The following RARB variants were observed in gnomAD, a reference collection of about 807,000 sequenced individuals.
RARB encodes retinoic acid receptor beta.
A neutral mutation model predicts 51.9 loss-of-function variants in RARB; 17 were observed. The ratio of observed to expected loss-of-function variants is 0.33; its 90% confidence interval spans 0.22 to 0.49. RARB has a LOEUF of 0.49. Ranked by LOEUF, RARB falls within the 20% of genes least tolerant of loss-of-function variation. RARB has a pLI of 0.99. For synonymous variants in RARB, 215 were observed against 195.4 expected (o/e 1.10, Z -0.84); for missense variants, 369 against 550.8 (o/e 0.67, Z 3.30).
At chr3:24,966,835 T>A (rs74811489) in intron 2 of RARB, among the ~76,000 whole-genome samples, 2 of 152,182 alleles carry the variant, frequency 1.3e-5, no homozygotes, top group African/African-American at 4.8e-5. Flanking sequence ...ATGTTAAAAA[T>A]CATTCAGGTG....
Position 25,212,002 on chromosome 3 carries a change from T to C in RARB, c.178+37427T>C, listed in dbSNP as rs537028633. Among the ~76,000 whole-genome samples, 5 of 152,284 alleles carry C rather than the reference T, an allele frequency of 3.3e-5. No homozygotes were observed. In the East Asian group the frequency reaches 9.6e-4, roughly 29 times the overall value. Reference sequence around the variant, plus strand: ...GTCTATCTGAAGGAAAAGAGATATATTTTACTACCTAAATTTCACTTTGTT... The same window carrying C: ...GTCTATCTGAAGGAAAAGAGATATACTTTACTACCTAAATTTCACTTTGTT... On this transcript the variant is annotated intron_variant, in intron 5 of 11. Transcript: ENST00000383772.
chr3:24,927,045 C>T (rs959328858), intron 2 of RARB, among the ~76,000 whole-genome samples: 1 of 152,082 alleles, frequency 6.6e-6, no homozygotes, highest in African/African-American at 2.4e-5. Flanking sequence ...TCATCTATCC[C>T]TAGTTAGTAA....
chr3:25,131,961 G>C (rs1362524069), intron 3 of RARB, among the ~76,000 whole-genome samples: 3 of 151,956 alleles, frequency 2.0e-5, no homozygotes, highest in Non-Finnish European at 4.4e-5. Flanking sequence ...AGGTGAGATT[G>C]GTGAACAGGG....
At position 25,501,081 on chromosome 3, in the gene RARB, T is replaced by C. The variant is rs1697287790; in HGVS notation, c.307-101T>C. 9 of 1,367,234 alleles carry C rather than the reference T, an allele frequency of 6.6e-6. No individual in the cohort carries two copies. In the African/African-American group the frequency reaches 1.0e-4, roughly 16 times the overall value. The allele number at this position is 1,367,234 out of a possible 1,614,324, so 84.7% of individuals were successfully genotyped here. On this transcript the variant is annotated intron_variant, in intron 2 of 7. Transcript: ENST00000330688. The stretch of plus-strand genomic sequence containing the variant: ...TAACTTTTCTGCTGCCATCACTTCG[T>C]TACTCAAAAAGAGCAATTAATGCAT...
At chr3:25,346,547 G>A (rs1705400874) in intron 5 of RARB, among the ~76,000 whole-genome samples, 1 of 152,092 alleles carries the variant, frequency 6.6e-6, no homozygotes, top group Admixed American at 6.6e-5. Flanking sequence ...ACCAGTCCCT[G>A]GCAATTTTGC....
At position 25,130,774 on chromosome 3, in the gene RARB, C is replaced by A. The variant is rs535111412; in HGVS notation, c.-327-1387C>A. 7.3e-5 allele frequency among the ~76,000 whole-genome samples: 11 copies of A among 151,214 alleles called. No homozygotes were observed. In the South Asian group the frequency reaches 2.3e-3, roughly 32 times the overall value. ...TCACTCATCTTGCTATCTCCTGCAG[C>A]CTCATCCTTGCATACAGAAACTGCT... On this transcript the variant is annotated intron_variant, in intron 3 of 11. Transcript: ENST00000383772.
intron 5 of RARB, among the ~76,000 whole-genome samples, chr3:25,584,949 ACCCTCC>A (rs1701325830): frequency 3.5e-5 from 5 of 141,368 alleles, no homozygotes; most frequent in East Asian, 2.0e-4. Context: ...TCCTCCCCTC[ACCCTCC>A]GCCCCCACCC....
At chr3:24,879,440 A>AT (rs1703113118) in intron 2 of RARB, among the ~76,000 whole-genome samples, 1 of 151,370 alleles carries the variant, frequency 6.6e-6, no homozygotes, top group African/African-American at 2.4e-5. Flanking sequence ...AAATTAAAAA[A>AT]AAATAAAAAA....
At position 25,237,270 on chromosome 3, in the gene RARB, A is replaced by G. The variant is rs935396613; in HGVS notation, c.178+62695A>G. On this transcript the variant is annotated intron_variant, in intron 5 of 11. Coordinates refer to the RARB transcript ENST00000383772. Reference sequence around the variant, plus strand: ...ATCTCATTAAAAGTTGGTGGCATTTATTAGACAACCCCAAAGGGTGGCTTC... The same window carrying G: ...ATCTCATTAAAAGTTGGTGGCATTTGTTAGACAACCCCAAAGGGTGGCTTC... Among the ~76,000 whole-genome samples, 10 of 152,166 alleles carry G rather than the reference A, an allele frequency of 6.6e-5. 1 individual carries two copies. The highest frequency in any genetic ancestry group is 5.2e-4 in the Admixed American group (8 of 15,278).
intron 5 of RARB, among the ~76,000 whole-genome samples, chr3:25,269,657 A>C (rs546266023): frequency 3.9e-5 from 6 of 152,308 alleles, no homozygotes; most frequent in African/African-American, 1.4e-4. Context: ...AGTAATTATA[A>C]ATGATACAAA....
chr3:25,047,160 A>G lies in RARB; in HGVS notation c.-379-12965A>G, dbSNP rs141564679. Among the ~76,000 whole-genome samples, 719 of 152,340 alleles carry G rather than the reference A, an allele frequency of 4.7e-3. 7 individuals are homozygous for G. The highest frequency in any genetic ancestry group is 0.016 in the African/African-American group (670 of 41,578). ...TTGAGCTTTACAGATTACTTACAGA[A>G]AAGAGCCCAGGAGTTATTGCTATCC... On this transcript the variant is annotated intron_variant, in intron 2 of 11. Coordinates refer to the RARB transcript ENST00000383772.
intron 2 of RARB, among the ~76,000 whole-genome samples, chr3:24,883,456 CTT>C (rs1266809063): frequency 6.6e-6 from 1 of 151,258 alleles, no homozygotes; most frequent in Non-Finnish European, 1.5e-5. Flanking sequence ...AGCAAACAAA[CTT>C]TTAAATGCTA....
intron 5 of RARB, among the ~76,000 whole-genome samples, chr3:25,202,598 G>T (rs138722302): frequency 5.3e-5 from 8 of 151,998 alleles, no homozygotes; most frequent in Non-Finnish European, 8.8e-5. Context: ...CTCTACACAC[G>T]GCTTTAAATG....
rs561728763 is a variant in RARB at position 24,903,976 on chromosome 3, T to C, written c.-380+45224T>C. 7.9e-5 allele frequency among the ~76,000 whole-genome samples: 12 copies of C among 152,326 alleles called. No individual in the cohort carries two copies. The South Asian group carries it at 2.5e-3, about 32-fold the overall frequency. ...AGGAATGTTACCACCAGGTCATATATGAAATCTGATTATAAAGATGGCCTT... is the reference window on the plus strand; with the variant it reads ...AGGAATGTTACCACCAGGTCATATACGAAATCTGATTATAAAGATGGCCTT... On this transcript the variant is annotated intron_variant, in intron 2 of 11. Coordinates refer to the RARB transcript ENST00000383772.
At chr3:25,501,830 A>G (rs1424099239) in intron 3 of RARB, among the ~76,000 whole-genome samples, 1 of 152,218 alleles carries the variant, frequency 6.6e-6, no homozygotes, top group Non-Finnish European at 1.5e-5. Context: ...TTTCTTCTCC[A>G]AGCCATCTTT....
At chr3:25,525,227 C>T (rs945914600) in intron 3 of RARB, among the ~76,000 whole-genome samples, 3 of 152,142 alleles carry the variant, frequency 2.0e-5, no homozygotes, top group African/African-American at 7.2e-5. Context: ...AAAGAAAATT[C>T]TCAGAATGCT....
chr3:25,044,857 C>T (rs186111853), intron 2 of RARB, among the ~76,000 whole-genome samples: 1 of 152,160 alleles, frequency 6.6e-6, no homozygotes, highest in Non-Finnish European at 1.5e-5. Context: ...TTGAACCATT[C>T]TTTCCCCCAG....
At chr3:25,267,095 A>T (rs1305958991) in intron 5 of RARB, among the ~76,000 whole-genome samples, 3 of 152,262 alleles carry the variant, frequency 2.0e-5, no homozygotes, top group African/African-American at 7.2e-5. Flanking sequence ...ATGTAAGAAA[A>T]CTTCCCACAA....
chr3:25,240,230 G>C (rs1223976594), intron 5 of RARB, among the ~76,000 whole-genome samples: 2 of 151,968 alleles, frequency 1.3e-5, no homozygotes, highest in African/African-American at 2.4e-5. Context: ...AATTTTGGTG[G>C]AGTCTTTAGG....
Sources: allele counts gnomAD v4.1 joint callset (sites outside exome capture counted in the v4.1 genomes callset), GRCh38; gene constraint gnomAD v4.1.1; transcripts MANE v1.5; gene names NCBI Gene and HGNC (gene_info 2026-07-23, HGNC 2026-07-21).